AKAP19: variants seen among roughly 807,000 people sequenced by gnomAD.
AKAP19 encodes the protein A-kinase anchoring protein 19, also known as small A-kinase anchoring protein.
At chr2:190,000,831 A>C in the AKAP19 span, among the ~76,000 whole-genome samples, 55 of 152,212 alleles carry the variant, frequency 3.6e-4, no homozygotes, top group African/African-American at 1.3e-3. Context: ...TAATATGTAG[A>C]TTAATGGATA....
the AKAP19 span, chr2:190,079,873 G>GTGTA: frequency 7.4e-6 from 1 of 134,922 alleles, no homozygotes; most frequent in Non-Finnish European, 1.6e-5. Context: ...GTGTGTGTGT[G>GTGTA]TGTGTGTGTG....
the AKAP19 span, among the ~76,000 whole-genome samples, chr2:190,133,104 G>A: frequency 6.6e-6 from 1 of 151,826 alleles, no homozygotes; most frequent in Non-Finnish European, 1.5e-5. Flanking sequence ...CGGGCGTGGT[G>A]GCGGGCGCCT....
chr2:189,934,566 T>C, the AKAP19 span, among the ~76,000 whole-genome samples: 1 of 151,860 alleles, frequency 6.6e-6, no homozygotes, highest in Non-Finnish European at 1.5e-5. Context: ...TATATTTAAA[T>C]CTAGAATTTT....
At chr2:190,151,068 T>C in the AKAP19 span, among the ~76,000 whole-genome samples, 19 of 152,342 alleles carry the variant, frequency 1.2e-4, no homozygotes, top group African/African-American at 4.6e-4. Context: ...TAAGAATACT[T>C]ATAAGCACTC....
At chr2:190,059,996 A>G in the AKAP19 span, 3 of 1,514,266 alleles carry the variant, frequency 2.0e-6, no homozygotes, top group Middle Eastern at 1.7e-4. Context: ...ATTTTCCACT[A>G]TTGTTTGTTC....
the AKAP19 span, among the ~76,000 whole-genome samples, chr2:190,055,237 C>G: frequency 1.3e-5 from 2 of 150,066 alleles, no homozygotes; most frequent in Non-Finnish European, 1.5e-5. Context: ...GACAAAAAAA[C>G]CAAACACCAC....
chr2:190,023,754 T>G, the AKAP19 span, among the ~76,000 whole-genome samples: 1 of 149,732 alleles, frequency 6.7e-6, no homozygotes, highest in Non-Finnish European at 1.5e-5. Context: ...TAACAGAGAC[T>G]CAAAATATCA....
At chr2:190,005,200 C>T in the AKAP19 span, among the ~76,000 whole-genome samples, 1 of 152,178 alleles carries the variant, frequency 6.6e-6, no homozygotes, top group Non-Finnish European at 1.5e-5. Flanking sequence ...AATGAATCAA[C>T]AAAGCTTCCG....
chr2:190,134,593 G>A, the AKAP19 span, among the ~76,000 whole-genome samples: 7 of 151,602 alleles, frequency 4.6e-5, no homozygotes. Flanking sequence ...AATATTTTTA[G>A]AAAATTCTTA....
At chr2:190,037,002 A>G in the AKAP19 span, among the ~76,000 whole-genome samples, 1 of 152,238 alleles carries the variant, frequency 6.6e-6, no homozygotes, top group Non-Finnish European at 1.5e-5. Context: ...GCATAACACA[A>G]TAAACCAAGG....
At chr2:190,125,530 C>G in the AKAP19 span, among the ~76,000 whole-genome samples, 1 of 152,060 alleles carries the variant, frequency 6.6e-6, no homozygotes, top group Non-Finnish European at 1.5e-5. Flanking sequence ...ATGAGGCAAA[C>G]CAAGGAACCA....
the AKAP19 span, among the ~76,000 whole-genome samples, chr2:190,028,615 A>G: frequency 2.6e-5 from 4 of 152,128 alleles, no homozygotes; most frequent in African/African-American, 4.8e-5. Context: ...TTTTAGCTTC[A>G]GTAGATATTT....
chr2:189,966,687 G>A, the AKAP19 span, among the ~76,000 whole-genome samples: 1 of 152,164 alleles, frequency 6.6e-6, no homozygotes, highest in African/African-American at 2.4e-5. Flanking sequence ...TAAACCTGGG[G>A]AAATCTGAAT....
At chr2:189,915,520 C>T in the AKAP19 span, among the ~76,000 whole-genome samples, 1 of 151,996 alleles carries the variant, frequency 6.6e-6, no homozygotes. Context: ...GGCCAGGATC[C>T]CAGCTAGCAA....
chr2:190,074,744 G>A, the AKAP19 span, among the ~76,000 whole-genome samples: 1 of 152,074 alleles, frequency 6.6e-6, no homozygotes, highest in Non-Finnish European at 1.5e-5. Context: ...AACTTAGGCC[G>A]TTAAGTAGAT....
At chr2:190,046,923 G>A in the AKAP19 span, among the ~76,000 whole-genome samples, 4 of 152,110 alleles carry the variant, frequency 2.6e-5, no homozygotes, top group Non-Finnish European at 4.4e-5. Flanking sequence ...CCATTATTCT[G>A]AGAAGTGATA....
At chr2:190,092,773 C>T in the AKAP19 span, among the ~76,000 whole-genome samples, 2 of 152,080 alleles carry the variant, frequency 1.3e-5, no homozygotes, top group Admixed American at 1.3e-4. Flanking sequence ...GAATAATAGC[C>T]TTTTAAGAAA....
the AKAP19 span, among the ~76,000 whole-genome samples, chr2:190,126,556 T>C: frequency 1.3e-5 from 2 of 151,936 alleles, no homozygotes; most frequent in Admixed American, 1.3e-4. Flanking sequence ...TCTAAATACA[T>C]ATAAAAGAAA....
the AKAP19 span, among the ~76,000 whole-genome samples, chr2:189,886,899 C>T: frequency 6.6e-6 from 1 of 152,080 alleles, no homozygotes; most frequent in South Asian, 2.1e-4. Context: ...GTAGTTAGAG[C>T]ACACACACAA....
Sources: gnomAD v4.1 joint callset for allele counts (sites outside exome capture counted in the v4.1 genomes callset) on GRCh38, gnomAD v4.1.1 for gene constraint, MANE v1.5 for transcripts, NCBI Gene and HGNC (gene_info 2026-07-23, HGNC 2026-07-21) for gene names.